ATAD2B: variants seen among roughly 807,000 people sequenced by gnomAD.
The protein encoded by ATAD2B is ATPase family AAA domain-containing protein 2B.
ATAD2B carries 40 observed loss-of-function variants against 167.6 expected under a neutral mutation model. That is an observed-to-expected ratio of 0.24 (90% CI 0.19 to 0.31). The LOEUF is 0.31. Among genes scored for constraint, ATAD2B ranks in the 10% least tolerant of loss-of-function variants. The pLI is 1.00. For missense variants in ATAD2B, 1,242 were observed against 1,757.2 expected (o/e 0.71, Z 5.24); for synonymous variants, 579 against 596.5 (o/e 0.97, Z 0.43).
At chr2:23,727,669 G>A in the ATAD2B span, among the ~76,000 whole-genome samples, 1 of 152,142 alleles carries the variant, frequency 6.6e-6, no homozygotes, top group Non-Finnish European at 1.5e-5. Context: ...ACCAAGATAT[G>A]CTTCAACAGG....
chr2:23,703,625 C>G, the ATAD2B span: 1 of 1,395,368 alleles, frequency 7.2e-7, no homozygotes, highest in Non-Finnish European at 9.5e-7. Flanking sequence ...GGAAGTCTTT[C>G]GAGCTTCCTT....
chr2:23,712,182 C>T, the ATAD2B span, among the ~76,000 whole-genome samples: 4 of 152,292 alleles, frequency 2.6e-5, no homozygotes, highest in East Asian at 1.9e-4. Flanking sequence ...TCCAGGAGCT[C>T]GCACTACACA....
chr2:23,683,923 A>G, the ATAD2B span, among the ~76,000 whole-genome samples: 69 of 152,254 alleles, frequency 4.5e-4, no homozygotes, highest in African/African-American at 1.5e-3. Context: ...CTGTTTTTGC[A>G]GGTTTTGTGG....
intron 12 of ATAD2B, among the ~76,000 whole-genome samples, chr2:23,859,764 A>G (rs1465343353): frequency 6.6e-6 from 1 of 151,774 alleles, no homozygotes; most frequent in Non-Finnish European, 1.5e-5. Context: ...CCTGGTCAAC[A>G]TGGTGAAACG....
At chr2:23,821,560 AT>A (rs1257685415) in intron 16 of ATAD2B, among the ~76,000 whole-genome samples, 1 of 152,212 alleles carries the variant, frequency 6.6e-6, no homozygotes, top group Non-Finnish European at 1.5e-5. Context: ...AAATATATTT[AT>A]GACAGAAGAA....
intron 15 of ATAD2B, 45 bp downstream of exon 15, chr2:23,828,804 C>G: frequency 3.2e-6 from 4 of 1,252,486 alleles, no homozygotes; most frequent in Middle Eastern, 1.9e-4. Flanking sequence ...GGAGGTTGAG[C>G]AGAACAAACA....
intron 12 of ATAD2B, among the ~76,000 whole-genome samples, chr2:23,860,201 C>G (rs1184081949): frequency 6.6e-6 from 1 of 152,138 alleles, no homozygotes; most frequent in African/African-American, 2.4e-5. Context: ...GACCAGATGC[C>G]TTGATTTTGG....
chr2:23,828,581 G>A (rs1688588353), intron 15 of ATAD2B, among the ~76,000 whole-genome samples: 1 of 152,098 alleles, frequency 6.6e-6, no homozygotes. Context: ...AGGAGACCCT[G>A]TATTAATATT....
intron 1 of ATAD2B, among the ~76,000 whole-genome samples, chr2:23,903,380 TATAATA>T (rs148441083): frequency 2.0e-5 from 3 of 152,004 alleles, no homozygotes; most frequent in African/African-American, 7.2e-5. Context: ...CCAAGAGAAG[TATAATA>T]ATAATAATGT....
At chr2:23,872,731 C>T (rs1696195381) in intron 8 of ATAD2B, 2 of 1,066,602 alleles carry the variant, frequency 1.9e-6, no homozygotes, top group Admixed American at 3.4e-5. Flanking sequence ...CAGTCAGACC[C>T]CCATAGTGCT....
intron 8 of ATAD2B, among the ~76,000 whole-genome samples, chr2:23,874,186 CA>C (rs552150978): frequency 0.033 from 4,398 of 133,880 alleles, 93 homozygotes; most frequent in Non-Finnish European, 0.044. Flanking sequence ...GGCTCCATCC[CA>C]AAAAAAAAAA....
intron 1 of ATAD2B, among the ~76,000 whole-genome samples, chr2:23,903,353 C>T (rs1160149086): frequency 6.6e-6 from 1 of 151,850 alleles, no homozygotes; most frequent in Non-Finnish European, 1.5e-5. Flanking sequence ...GAACACAATC[C>T]AAGGATGAGA....
chr2:23,756,931 T>C (rs182025963), intron 25 of ATAD2B, among the ~76,000 whole-genome samples: 4 of 152,292 alleles, frequency 2.6e-5, no homozygotes. Context: ...AGAGTGTAAA[T>C]AATGAGCTGA....
chr2:23,684,219 G>C, the ATAD2B span, among the ~76,000 whole-genome samples: 2 of 151,630 alleles, frequency 1.3e-5, no homozygotes, highest in Admixed American at 1.3e-4. The surrounding 1 kb of genome is among the most constrained non-coding windows in gnomAD (Gnocchi z 4.4). Context: ...GTGGCTGCTT[G>C]TTTATGCATT....
the ATAD2B span, chr2:23,696,581 C>CT: frequency 7.9e-7 from 1 of 1,263,224 alleles, no homozygotes; most frequent in African/African-American, 1.5e-5. The surrounding 1 kb of genome is among the most constrained non-coding windows in gnomAD (Gnocchi z 5.5). Context: ...ACGTCACTCA[C>CT]TGTACCTCCC....
intron 13 of ATAD2B, among the ~76,000 whole-genome samples, chr2:23,847,329 C>A (rs1455056617): frequency 1.3e-5 from 2 of 151,672 alleles, no homozygotes; most frequent in Non-Finnish European, 2.9e-5. Context: ...TATGGTGAAA[C>A]CCTGTCTCTA....
At chr2:23,709,639 C>CA in the ATAD2B span, among the ~76,000 whole-genome samples, 11,373 of 103,196 alleles carry the variant, frequency 0.11, 500 homozygotes, top group Middle Eastern at 0.19. Context: ...GTCTCCTTGC[C>CA]AAAAAAAAAA....
rs528105556 is a variant in ATAD2B, at chr2:23,878,389, T to A, written c.901+2250A>T. Among the ~76,000 whole-genome samples, 351 of 152,002 alleles carry A rather than the reference T, an allele frequency of 2.3e-3. 3 individuals carry two copies. The highest frequency in any genetic ancestry group is 8.2e-3 in the African/African-American group (342 of 41,464). On this transcript the variant is annotated intron_variant, in intron 7 of 27. Transcript: ENST00000238789. ...AAATGAATAAATAGGCCAGGTGCAG[T>A]GGCTCACGCCTGTAATCCCAGGACT...
At chr2:23,752,195 G>A in intron 27 of ATAD2B, 108 bp from the exon 28 acceptor site, 1 of 780,108 alleles carries the variant, frequency 1.3e-6, no homozygotes, top group Non-Finnish European at 2.1e-6. Context: ...TGAGATACAG[G>A]TTAAACTTTG....
Sources: allele counts gnomAD v4.1 joint callset (sites outside exome capture counted in the v4.1 genomes callset), GRCh38; gene constraint gnomAD v4.1.1; non-coding constraint Gnocchi (gnomAD v3.1); transcripts MANE v1.5; gene names NCBI Gene and HGNC (gene_info 2026-07-23, HGNC 2026-07-21).